Variants in MYT1L observed in about 807,000 individuals in gnomAD.
The protein encoded by MYT1L is myelin transcription factor 1-like protein.
In MYT1L, 12 loss-of-function variants were observed where a neutral mutation model predicts 126.7. That is an observed-to-expected ratio of 0.09 (90% CI 0.06 to 0.15). The LOEUF (loss-of-function observed/expected upper bound fraction) is 0.15. Among genes scored for constraint, MYT1L ranks in the 10% least tolerant of loss-of-function variants. MYT1L has a pLI of 1.00. For missense variants in MYT1L, 979 were observed against 1,585.2 expected (o/e 0.62, Z 6.49); for synonymous variants, 541 against 604.2 (o/e 0.90, Z 1.53).
At chr2:1,888,091 T>C (rs2148842140) in intron 16 of MYT1L, among the ~76,000 whole-genome samples, 1 of 152,338 alleles carries the variant, frequency 6.6e-6, no homozygotes, top group South Asian at 2.1e-4. Context: ...TTTAGAGGAA[T>C]GTAACTGTAA....
At chr2:2,222,455 C>T (rs921089610) in intron 2 of MYT1L, among the ~76,000 whole-genome samples, 1 of 151,764 alleles carries the variant, frequency 6.6e-6, no homozygotes, top group African/African-American at 2.4e-5. Context: ...AAGATTGTGC[C>T]ACTGCACTCC....
chr2:2,094,758 A>T (rs1024364775), intron 3 of MYT1L, among the ~76,000 whole-genome samples: 3 of 117,210 alleles, frequency 2.6e-5, no homozygotes, highest in Non-Finnish European at 5.0e-5. Flanking sequence ...AACATCACAC[A>T]CCGGGGCCTG....
intron 3 of MYT1L, among the ~76,000 whole-genome samples, chr2:2,106,120 G>A (rs1028307222): frequency 6.6e-6 from 1 of 152,216 alleles, no homozygotes; most frequent in East Asian, 1.9e-4. Context: ...TGGAGGGAAT[G>A]TGGCTCACCC....
chr2:1,855,983 C>T (rs1267524188), intron 18 of MYT1L, among the ~76,000 whole-genome samples: 1 of 152,094 alleles, frequency 6.6e-6, no homozygotes, highest in African/African-American at 2.4e-5. Flanking sequence ...CTTGTATAGA[C>T]ATTTACGAGT....
Position 1,798,135 on chromosome 2 carries a change from CT to C in MYT1L, c.3276+3560del, listed in dbSNP as rs1364296191. 3.2e-4 allele frequency among the ~76,000 whole-genome samples: 16 copies of C among 49,488 alleles called. 1 individual carries two copies. The highest frequency in any genetic ancestry group is 1.3e-3 in the South Asian group (1 of 756). The allele number at this position is 49,488 out of a possible 152,430, so 32.5% of individuals were successfully genotyped here. The stretch of plus-strand genomic sequence containing the variant: ...CTCCGGCACAGGCGCGGCGGTCTCC[CT>C]CCATCCGGCACAGGCGCGGCGGTCT... On this transcript the variant is annotated intron_variant, in intron 23 of 24. Coordinates refer to ENST00000647738, the MANE Select transcript of MYT1L (RefSeq NM_001303052.2).
At chr2:2,084,621 G>A (rs904639949) in intron 3 of MYT1L, among the ~76,000 whole-genome samples, 6 of 152,188 alleles carry the variant, frequency 3.9e-5, no homozygotes, top group African/African-American at 1.4e-4. Flanking sequence ...CAATCGGCCT[G>A]CTGGAACCCC....
chr2:1,889,313 G>GCAGTCGCCCAA lies in MYT1L; in HGVS notation c.2447_2448insTTGGGCGACTG (p.Asp818AlafsTer8). The GCAGTCGCCCAA allele has an allele frequency of 6.2e-7, 1 of 1,613,810 alleles. No individual in the cohort carries two copies. The highest frequency in any genetic ancestry group is 8.5e-7 in the Non-Finnish European group (1 of 1,179,866). On this transcript the variant is annotated frameshift_variant, in exon 16 of 25. Coordinates refer to ENST00000647738, the MANE Select transcript of MYT1L (RefSeq NM_001303052.2). LOFTEE classifies it high-confidence loss of function. This position sits in a 1 kb window ranked among gnomAD's most constrained non-coding sequence, Gnocchi z 4.1. ...TGGTGTAGTCTACGGGCAAGTCCCA[G>GCAGTCGCCCAA]CAGTCGCCCTCGCCCAGCTGGAAAC...
intron 1 of MYT1L, among the ~76,000 whole-genome samples, chr2:2,300,530 A>G (rs2095766498): frequency 6.6e-6 from 1 of 152,180 alleles, no homozygotes; most frequent in African/African-American, 2.4e-5. Flanking sequence ...TCTTGAGGTA[A>G]TTTACATAGT....
intron 2 of MYT1L, among the ~76,000 whole-genome samples, chr2:2,182,701 T>C (rs1458785472): frequency 6.6e-6 from 1 of 152,174 alleles, no homozygotes; most frequent in Non-Finnish European, 1.5e-5. Context: ...TTGGCCACTG[T>C]TTGTTGTGGA....
At chr2:1,871,291 G>T (rs4258825) in intron 18 of MYT1L, among the ~76,000 whole-genome samples, 1 of 152,092 alleles carries the variant, frequency 6.6e-6, no homozygotes, top group Non-Finnish European at 1.5e-5. Flanking sequence ...GTCTCCGTGC[G>T]CTGATGGAGG....
At chr2:1,794,925 G>A (rs1435989745) in intron 23 of MYT1L, among the ~76,000 whole-genome samples, 1 of 152,204 alleles carries the variant, frequency 6.6e-6, no homozygotes, top group Non-Finnish European at 1.5e-5. Context: ...AGGCTGCTTG[G>A]TGAGCCCCGT....
intron 23 of MYT1L, among the ~76,000 whole-genome samples, chr2:1,797,351 G>A (rs1245218429): frequency 1.3e-5 from 2 of 152,192 alleles, no homozygotes; most frequent in African/African-American, 4.8e-5. Context: ...AGCCTCCCGA[G>A]TACCTGGGAC....
At chr2:2,191,657 T>C in intron 2 of MYT1L, among the ~76,000 whole-genome samples, 1 of 152,216 alleles carries the variant, frequency 6.6e-6, no homozygotes, top group East Asian at 1.9e-4. Context: ...TCAGTAAATA[T>C]GTATTAAAGC....
intron 9 of MYT1L, among the ~76,000 whole-genome samples, chr2:1,934,195 C>T (rs528904440): frequency 1.2e-4 from 18 of 151,132 alleles, no homozygotes; most frequent in Non-Finnish European, 1.5e-4. Flanking sequence ...AGGATGGTCT[C>T]GATCTCCTGA....
At chr2:1,875,825 GAATT>G (rs1261879695) in intron 18 of MYT1L, among the ~76,000 whole-genome samples, 1 of 152,204 alleles carries the variant, frequency 6.6e-6, no homozygotes, top group Non-Finnish European at 1.5e-5. Flanking sequence ...CAGTGAGGAA[GAATT>G]AACTCGCTGC....
rs187867851 is a variant in MYT1L at position 2,077,814 on chromosome 2, A to G, written c.-303-23691T>C. On this transcript the variant is annotated intron_variant, in intron 3 of 24. Transcript: ENST00000647738. Reference sequence around the variant, plus strand: ...GAAGACGTGTCGTTTTAGAAATACTAAAGGGAGCCCCTCACGCTGAAATGA... The same window carrying G: ...GAAGACGTGTCGTTTTAGAAATACTGAAGGGAGCCCCTCACGCTGAAATGA... 2.5e-4 allele frequency among the ~76,000 whole-genome samples: 38 copies of G among 152,330 alleles called. 1 individual carries two copies. In the East Asian group the frequency reaches 6.7e-3, roughly 27 times the overall value.
intron 8 of MYT1L, among the ~76,000 whole-genome samples, chr2:1,945,009 A>G (rs772737259): frequency 3.3e-5 from 5 of 152,214 alleles, no homozygotes; most frequent in Non-Finnish European, 5.9e-5. Context: ...GAAACAAAGC[A>G]TTTCAATACA....
Position 2,224,825 on chromosome 2 carries a change from A to ACC in MYT1L, c.-420-51838_-420-51837insGG, listed in dbSNP as rs2093967577. Among the ~76,000 whole-genome samples, 1 of 146,110 alleles carries ACC rather than the reference A, an allele frequency of 6.8e-6. No homozygotes were observed. Among genetic ancestry groups the ACC allele is most frequent in the East Asian group, 2.0e-4 (1 of 4,992 alleles). ...CAGAGCAAGACTCCGTCTCAAAAGA[A>ACC]AAAAAAAAAAAGGAAAATAAATGTT... is the stretch of plus-strand genomic sequence containing the variant. On this transcript the variant is annotated intron_variant, in intron 2 of 24. Coordinates refer to ENST00000647738, the MANE Select transcript of MYT1L (RefSeq NM_001303052.2). The surrounding 1 kb of genome is among the most constrained non-coding windows in gnomAD (Gnocchi z 4.0).
intron 5 of MYT1L, among the ~76,000 whole-genome samples, chr2:1,989,430 C>T (rs970794769): frequency 2.0e-5 from 3 of 152,230 alleles, no homozygotes; most frequent in South Asian, 2.1e-4. Context: ...CGAGAGTGCA[C>T]CCTACATCTT....
Sources: allele counts gnomAD v4.1 joint callset (sites outside exome capture counted in the v4.1 genomes callset), GRCh38; gene constraint gnomAD v4.1.1; non-coding constraint Gnocchi (gnomAD v3.1); transcripts MANE v1.5; gene names NCBI Gene and HGNC (gene_info 2026-07-23, HGNC 2026-07-21).